FBXL13: variants seen among roughly 807,000 people sequenced by gnomAD.
The protein encoded by FBXL13 is F-box and leucine-rich repeat protein 13.
A neutral mutation model predicts 83.6 loss-of-function variants in FBXL13; 67 were observed. That is an observed-to-expected ratio of 0.80 (90% confidence interval 0.66 to 0.98). The LOEUF (loss-of-function observed/expected upper bound fraction) is 0.98. Ranked by LOEUF, FBXL13 falls within the 50% of genes least tolerant of loss-of-function variation. The pLI, the probability that FBXL13 is intolerant of heterozygous loss-of-function variation, is 0.00. For missense variants in FBXL13, 822 were observed against 866.5 expected (o/e 0.95, Z 0.64); for synonymous variants, 272 against 299.5 (o/e 0.91, Z 0.95).
At chr7:102,857,761 C>T (rs2129451867) in intron 16 of FBXL13, 1 of 152,272 alleles carries the variant, frequency 6.6e-6, no homozygotes, top group South Asian at 2.1e-4. Context: ...AATGAGATGT[C>T]ATCTCACCCC....
At chr7:102,825,573 AAGAC>A (rs1201610481) in intron 18 of FBXL13, among the ~76,000 whole-genome samples, 1 of 152,226 alleles carries the variant, frequency 6.6e-6, no homozygotes, top group Non-Finnish European at 1.5e-5. Flanking sequence ...AAAACGGACT[AAGAC>A]AGGGTATGAC....
intron 18 of FBXL13, chr7:102,827,098 A>G (rs1160134178): frequency 2.2e-6 from 1 of 452,972 alleles, no homozygotes. Flanking sequence ...AAAGGAATGG[A>G]GCAGAAGTCA....
At chr7:102,908,809 T>C (rs1407131637) in intron 11 of FBXL13, among the ~76,000 whole-genome samples, 1 of 152,254 alleles carries the variant, frequency 6.6e-6, no homozygotes, top group Non-Finnish European at 1.5e-5. Context: ...CAAGCACCCC[T>C]GTGGCCTCCA....
At chr7:103,014,499 G>C (rs1160714777) in intron 6 of FBXL13, among the ~76,000 whole-genome samples, 4 of 152,200 alleles carry the variant, frequency 2.6e-5, no homozygotes, top group Admixed American at 2.6e-4. Context: ...TGAGGAGGAG[G>C]AATGCCTCCC....
intron 8 of FBXL13, among the ~76,000 whole-genome samples, chr7:102,948,798 A>G (rs1822955793): frequency 6.6e-6 from 1 of 151,824 alleles, no homozygotes; most frequent in African/African-American, 2.4e-5. Context: ...TGTAACCTCC[A>G]TCTCATGGGT....
intron 1 of FBXL13, among the ~76,000 whole-genome samples, chr7:103,071,747 T>C (rs1798983290): frequency 6.6e-6 from 1 of 152,020 alleles, no homozygotes; most frequent in Non-Finnish European, 1.5e-5. Flanking sequence ...AAAATGATAT[T>C]GTAGGTAGAA....
chr7:103,021,436 G>A (rs1793160503), intron 6 of FBXL13, among the ~76,000 whole-genome samples: 1 of 152,170 alleles, frequency 6.6e-6, no homozygotes, highest in Non-Finnish European at 1.5e-5. Flanking sequence ...AGGACTTCAT[G>A]TCTAAAACAC....
chr7:102,862,035 A>T lies in FBXL13; in HGVS notation c.1636-7175T>A, dbSNP rs144968244. ...ATATGTGTGTGTATAGTGTATGTAT[A>T]TGTGTATTAAAAGAAACAGACGTTT... On this transcript the variant is annotated intron_variant, in intron 16 of 19. Coordinates refer to ENST00000313221, the Ensembl canonical transcript of FBXL13. Among the ~76,000 whole-genome samples, 446 of 150,638 alleles carry T rather than the reference A, an allele frequency of 3.0e-3. 3 individuals carry two copies. The highest frequency in any genetic ancestry group is 5.7e-3 in the South Asian group (27 of 4,718).
intron 9 of FBXL13, among the ~76,000 whole-genome samples, chr7:102,929,777 G>A (rs2129472744): frequency 6.6e-6 from 1 of 152,148 alleles, no homozygotes; most frequent in Non-Finnish European, 1.5e-5. Flanking sequence ...TGATGGGCAT[G>A]GGTTCTGTTA....
chr7:102,837,142 G>C (rs1182364415), intron 17 of FBXL13, among the ~76,000 whole-genome samples: 1 of 152,212 alleles, frequency 6.6e-6, no homozygotes, highest in Non-Finnish European at 1.5e-5. Flanking sequence ...ATGAGATGGA[G>C]AGCTACACTC....
chr7:102,858,573 A>G (rs1219682211), intron 16 of FBXL13, among the ~76,000 whole-genome samples: 1 of 152,244 alleles, frequency 6.6e-6, no homozygotes, highest in African/African-American at 2.4e-5. Context: ...AACTAAAAAT[A>G]AAAGAAAAAA....
chr7:102,982,345 C>T (rs1324039217), intron 6 of FBXL13, among the ~76,000 whole-genome samples: 2 of 152,092 alleles, frequency 1.3e-5, no homozygotes, highest in Non-Finnish European at 2.9e-5. Context: ...GTGTGCCACT[C>T]CCATTTCCAA....
At chr7:102,877,382 T>C (rs1458504680) in intron 16 of FBXL13, 85 bp downstream of exon 17, 7 of 1,116,120 alleles carry the variant, frequency 6.3e-6, no homozygotes, top group Non-Finnish European at 8.5e-6. Flanking sequence ...AAACATATTA[T>C]TGTTCTCTCC....
exon 1 of FBXL13, chr7:103,074,278 A>G: frequency 8.9e-6 from 9 of 1,006,450 alleles, no homozygotes; most frequent in Non-Finnish European, 1.1e-5. Context: ...ATCTTAGGTG[A>G]CTAGTGCCTA....
chr7:102,966,539 G>C (rs1303956398), intron 7 of FBXL13, among the ~76,000 whole-genome samples: 1 of 152,186 alleles, frequency 6.6e-6, no homozygotes, highest in Non-Finnish European at 1.5e-5. Flanking sequence ...GAAATGTCTT[G>C]CAGAAGCTGG....
intron 16 of FBXL13, among the ~76,000 whole-genome samples, chr7:102,864,802 A>G (rs375689938): frequency 2.0e-5 from 3 of 152,380 alleles, no homozygotes; most frequent in African/African-American, 7.2e-5. Flanking sequence ...GTGCCAGCTT[A>G]CATGCATTGC....
Position 103,071,551 on chromosome 7 carries a change from CTTT to C in FBXL13, c.-105+2692_-105+2694del, listed in dbSNP as rs774310534. On this transcript the variant is annotated intron_variant, in intron 1 of 19. Transcript: ENST00000313221. The stretch of plus-strand genomic sequence containing the variant: ...GGTGTGAGCCACTAAGACAAGTTAG[CTTT>C]TTTTTTTTTTTTTTTTTAATTTTTG... Among the ~76,000 whole-genome samples the C allele has an allele frequency of 1.1e-3, 145 of 126,170 alleles. No individual in the cohort carries two copies. In the Middle Eastern group the frequency reaches 0.014, roughly 12 times the overall value. 82.8% of individuals were successfully genotyped at this position (126,170 alleles called of 152,430 possible).
chr7:102,847,112 TC>T (rs1055707013), intron 17 of FBXL13, among the ~76,000 whole-genome samples: 2 of 152,196 alleles, frequency 1.3e-5, no homozygotes, highest in Non-Finnish European at 2.9e-5. Flanking sequence ...TATGGCTGTT[TC>T]TATGCTCAAT....
At chr7:102,880,200 T>C (rs977397386) in intron 14 of FBXL13, among the ~76,000 whole-genome samples, 3 of 152,264 alleles carry the variant, frequency 2.0e-5, no homozygotes, top group Non-Finnish European at 4.4e-5. Context: ...TGTCCATGCA[T>C]GATTTTTTAA....
Sources: allele counts gnomAD v4.1 joint callset (sites outside exome capture counted in the v4.1 genomes callset), GRCh38; gene constraint gnomAD v4.1.1; transcripts MANE v1.5; gene names NCBI Gene and HGNC (gene_info 2026-07-23, HGNC 2026-07-21).